Variants in SEMA5B observed in about 807,000 individuals in gnomAD.
SEMA5B encodes semaphorin-5B.
In SEMA5B, 66 loss-of-function variants were observed where a neutral mutation model predicts 135.0. That is an observed-to-expected ratio of 0.49 (90% CI 0.40 to 0.60). The LOEUF is 0.60. SEMA5B is among the 20% of genes least tolerant of loss of function. The probability of loss-of-function intolerance (pLI) is 0.00; values close to 1 mark genes in which losing one functional copy is unlikely to be tolerated. For synonymous variants in SEMA5B, 690 were observed against 639.5 expected (o/e 1.08, Z -1.19); for missense variants, 1,501 against 1,566.3 (o/e 0.96, Z 0.70).
intron 1 of SEMA5B, chr3:123,026,948 G>T: frequency 6.5e-6 from 1 of 154,072 alleles, no homozygotes; most frequent in Non-Finnish European, 1.4e-5. Context: ...CCGGGCGGCG[G>T]CTCCGCAGGC....
chr3:122,929,940 T>C (rs894372149), intron 5 of SEMA5B, among the ~76,000 whole-genome samples: 3 of 152,212 alleles, frequency 2.0e-5, no homozygotes, highest in Non-Finnish European at 4.4e-5. Flanking sequence ...GGAGGCGTGA[T>C]GCCCTCCACG....
intron 1 of SEMA5B, among the ~76,000 whole-genome samples, chr3:123,008,273 A>C (rs192099934): frequency 6.6e-6 from 1 of 152,232 alleles, no homozygotes; most frequent in African/African-American, 2.4e-5. Flanking sequence ...CCTCTAATCA[A>C]TAATAAACTG....
At position 122,924,904 on chromosome 3, in the gene SEMA5B, AT is replaced by A. The variant is rs527646752; in HGVS notation, c.1137-1153del. ...CTTTGTAGCATTTCTCATGATTAAA[AT>A]TTGTTGTTTAATATCCATCACCCTG... On this transcript the variant is annotated intron_variant, in intron 9 of 22. Transcript: ENST00000357599. Among the ~76,000 whole-genome samples, 5 of 152,262 alleles carry A rather than the reference AT, an allele frequency of 3.3e-5. No homozygotes were observed. The East Asian group carries it at 9.7e-4, about 29-fold the overall frequency.
At chr3:122,971,127 G>T (rs1339594443) in intron 1 of SEMA5B, among the ~76,000 whole-genome samples, 1 of 152,226 alleles carries the variant, frequency 6.6e-6, no homozygotes, top group Non-Finnish European at 1.5e-5. Context: ...CCCTGGAAGT[G>T]CCAGGCCTGA....
intron 1 of SEMA5B, among the ~76,000 whole-genome samples, chr3:122,998,011 C>T (rs778471530): frequency 4.6e-5 from 7 of 152,210 alleles, no homozygotes; most frequent in Non-Finnish European, 8.8e-5. Context: ...GCCCGACGAC[C>T]GCCATGGTGA....
chr3:122,923,737 A>G lies in SEMA5B; in HGVS notation c.1152T>C (p.Ala384=). The change falls in exon 10 of 23, where the codon GCT becomes GCC. Residue 384 remains alanine (A), a synonymous_variant. Coordinates refer to ENST00000357599, the MANE Select transcript of SEMA5B (RefSeq NM_001031702.4). ...VFTTNVNSIA[A]SAVCAFNLSA... ...TGAGGTTGAAGGCGCAGACAGCAGA[A>G]GCCGCGATGCTGTTTCTGAAAGGCA... The G allele has an allele frequency of 6.2e-7, 1 of 1,614,134 alleles. No homozygotes were observed. Among genetic ancestry groups the G allele is most frequent in the African/African-American group, 1.3e-5 (1 of 75,032 alleles).
intron 5 of SEMA5B, 92 bp downstream of exon 5, chr3:122,939,333 G>C: frequency 1.0e-6 from 1 of 1,002,778 alleles, no homozygotes; most frequent in Non-Finnish European, 1.6e-6. Flanking sequence ...AACTTTAGGG[G>C]CTGAATTCTG....
In SEMA5B at chr3:122,915,454, G is replaced by A. The variant is rs1211162154; in HGVS notation, c.1974C>T (p.Ile658=). 4.3e-6 allele frequency: 7 copies of A among 1,611,438 alleles called. No individual in the cohort carries two copies. The highest frequency in any genetic ancestry group is 3.3e-5 in the Admixed American group (2 of 59,824). Residue 658 remains isoleucine (I), a synonymous_variant, in exon 14 of 23, where the codon ATC becomes ATT. Coordinates refer to ENST00000357599, the MANE Select transcript of SEMA5B (RefSeq NM_001031702.4). ...TCCTCACATACCTGGAGCAGTTGGC[G>A]ATGTGGATGGCTGGCCCCAGGCAGT... is the stretch of plus-strand genomic sequence containing the variant. ...GLDCLGPAIH[I]ANCSRNGAWT...
chr3:122,984,046 A>G (rs529964898), intron 1 of SEMA5B, among the ~76,000 whole-genome samples: 115 of 152,350 alleles, frequency 7.5e-4, no homozygotes, highest in Admixed American at 2.0e-3. Flanking sequence ...AGAGGAGTAA[A>G]GAAATAAACA....
chr3:123,000,821 T>C (rs1942152216), intron 1 of SEMA5B, among the ~76,000 whole-genome samples: 1 of 152,144 alleles, frequency 6.6e-6, no homozygotes, highest in Non-Finnish European at 1.5e-5. Context: ...CAAATGACAA[T>C]AGGGTACCCC....
chr3:123,017,622 G>A (rs1053647809), intron 1 of SEMA5B, among the ~76,000 whole-genome samples: 1 of 152,178 alleles, frequency 6.6e-6, no homozygotes, highest in African/African-American at 2.4e-5. Context: ...TAACAGCACA[G>A]GTTGGCCAGG....
chr3:122,982,645 C>G (rs931785559), intron 1 of SEMA5B, among the ~76,000 whole-genome samples: 6 of 152,162 alleles, frequency 3.9e-5, no homozygotes, highest in African/African-American at 1.4e-4. Context: ...CTGGTCTTCC[C>G]TTTCTAGTCC....
intron 1 of SEMA5B, among the ~76,000 whole-genome samples, chr3:123,004,289 T>C (rs2107769543): frequency 6.6e-6 from 1 of 152,336 alleles, no homozygotes; most frequent in South Asian, 2.1e-4. Flanking sequence ...AGATACATTG[T>C]GTCTAGCAAG....
At chr3:123,018,643 C>T (rs575062666) in intron 1 of SEMA5B, among the ~76,000 whole-genome samples, 136 of 152,296 alleles carry the variant, frequency 8.9e-4, no homozygotes, top group African/African-American at 3.2e-3. Context: ...TCTGATGAAG[C>T]CTATGCACAA....
chr3:123,022,492 G>A (rs971807425), intron 1 of SEMA5B, among the ~76,000 whole-genome samples: 1 of 152,194 alleles, frequency 6.6e-6, no homozygotes, highest in Non-Finnish European at 1.5e-5. Flanking sequence ...TGTACTCAGG[G>A]AAAGCCCGAT....
intron 4 of SEMA5B, 72 bp downstream of exon 4, chr3:122,943,364 C>A: frequency 8.9e-7 from 1 of 1,120,276 alleles, no homozygotes; most frequent in Non-Finnish European, 1.3e-6. Flanking sequence ...GTGAGTTCAT[C>A]CTGAATAATA....
intron 18 of SEMA5B, 93 bp from the exon 19 acceptor site, chr3:122,912,435 A>AAT: frequency 8.3e-7 from 1 of 1,211,576 alleles, no homozygotes; most frequent in Admixed American, 3.0e-5. Context: ...CTCTGCCCTG[A>AAT]GCCACAGTGA....
At chr3:122,920,657 C>T (rs952511498) in intron 12 of SEMA5B, among the ~76,000 whole-genome samples, 4 of 152,142 alleles carry the variant, frequency 2.6e-5, no homozygotes, top group Non-Finnish European at 4.4e-5. Flanking sequence ...ATGAGAGAGC[C>T]GAAGCTCAAA....
chr3:122,931,141 C>T lies in SEMA5B; in HGVS notation c.475-2083G>A, dbSNP rs560032166. Among the ~76,000 whole-genome samples the T allele has an allele frequency of 1.3e-3, 205 of 152,082 alleles. 1 individual carries two copies. The South Asian group carries it at 0.014, about 10-fold the overall frequency. On this transcript the variant is annotated intron_variant, in intron 5 of 22. Transcript: ENST00000357599. ...ATGTATTAATTAAAACTCCGACGAC[C>T]CACTCCTCCCATAGCCCACCCCTTT...
Sources: allele counts gnomAD v4.1 joint callset (sites outside exome capture counted in the v4.1 genomes callset), GRCh38; gene constraint gnomAD v4.1.1; transcripts MANE v1.5; gene names NCBI Gene and HGNC (gene_info 2026-07-23, HGNC 2026-07-21).